The following CASR variants were observed in gnomAD, a reference collection of about 807,000 sequenced individuals.
The protein encoded by CASR is calcium sensing receptor.
In CASR, 23 loss-of-function variants were observed where a neutral mutation model predicts 69.1. The observed-to-expected ratio is 0.33, with a 90% CI of 0.24 to 0.47. The LOEUF (loss-of-function observed/expected upper bound fraction) is 0.47, where lower values mean the gene tolerates loss of function less well. Ranked by LOEUF, CASR falls within the 20% of genes least tolerant of loss-of-function variation. The probability of loss-of-function intolerance (pLI) is 1.00; values close to 1 mark genes in which losing one functional copy is unlikely to be tolerated. For missense variants in CASR, 924 were observed against 1,356.1 expected, an observed-to-expected ratio of 0.68 and a Z score of 5.00; for synonymous variants, 541 against 544.7, an observed-to-expected ratio of 0.99 and a Z score of 0.10.
At chr3:122,272,725 C>A (rs2074774497) in intron 4 of CASR, among the ~76,000 whole-genome samples, 1 of 152,152 alleles carries the variant, frequency 6.6e-6, no homozygotes, top group African/African-American at 2.4e-5. Flanking sequence ...GTTCTGCAGC[C>A]CAGTTCAGAA....
intron 3 of CASR, among the ~76,000 whole-genome samples, chr3:122,259,595 A>G (rs927896257): frequency 2.6e-5 from 4 of 151,966 alleles, no homozygotes; most frequent in African/African-American, 9.7e-5. Flanking sequence ...CTAATGTAGA[A>G]ACTATCCATC....
intron 1 of CASR, among the ~76,000 whole-genome samples, chr3:122,213,245 G>A (rs6776280): frequency 0.72 from 110,227 of 152,060 alleles, 40,194 homozygotes; most frequent in Admixed American, 0.82. Flanking sequence ...CATTTTTCTC[G>A]TGCTCTTTTG....
chr3:122,283,829 C>T lies in CASR; in HGVS notation c.1875C>T (p.Phe625=), dbSNP rs761716567. Residue 625 remains phenylalanine (F), a synonymous_variant, in exon 7 of 7, where the codon TTC becomes TTT. Transcript: ENST00000639785. The part of the protein sequence containing the change: ...ALTLFAVLGI[F]LTAFVLGVFI... The stretch of plus-strand genomic sequence containing the variant: ...CCCTCTTTGCCGTGCTGGGCATTTT[C>T]CTGACAGCCTTTGTGCTGGGTGTGT... 6.2e-7 allele frequency: 1 copy of T among 1,614,130 alleles called. No homozygotes were observed. Among genetic ancestry groups the T allele is most frequent in the South Asian group, 1.1e-5 (1 of 91,070 alleles).
At chr3:122,234,954 T>G (rs1437010378) in intron 1 of CASR, among the ~76,000 whole-genome samples, 1 of 152,132 alleles carries the variant, frequency 6.6e-6, no homozygotes, top group African/African-American at 2.4e-5. Flanking sequence ...ACACTGAGAG[T>G]GCACTGCATC....
chr3:122,198,196 A>G (rs2073908551), intron 1 of CASR, among the ~76,000 whole-genome samples: 1 of 152,242 alleles, frequency 6.6e-6, no homozygotes, highest in Non-Finnish European at 1.5e-5. Context: ...GCCAACTCAG[A>G]GAAAAGGATT....
chr3:122,213,608 A>G (rs79554897), intron 1 of CASR, among the ~76,000 whole-genome samples: 1 of 152,310 alleles, frequency 6.6e-6, no homozygotes, highest in East Asian at 1.9e-4. Flanking sequence ...TGAGTATGAT[A>G]CGTCTCTTGG....
intron 1 of CASR, among the ~76,000 whole-genome samples, chr3:122,221,377 C>T (rs1344458471): frequency 6.6e-6 from 1 of 152,158 alleles, no homozygotes; most frequent in Non-Finnish European, 1.5e-5. Context: ...CCCCTCTCTA[C>T]CCCAGCTCTA....
intron 4 of CASR, among the ~76,000 whole-genome samples, chr3:122,263,576 G>A (rs1002688655): frequency 6.6e-6 from 1 of 152,172 alleles, no homozygotes; most frequent in African/African-American, 2.4e-5. Flanking sequence ...CCTTTGGGAA[G>A]GATACCAAGA....
chr3:122,260,236 C>T (rs188261802), intron 3 of CASR, among the ~76,000 whole-genome samples: 2 of 152,266 alleles, frequency 1.3e-5, no homozygotes, highest in Non-Finnish European at 2.9e-5. Context: ...CTGTTTGCTC[C>T]ATGTGTTGCC....
intron 1 of CASR, among the ~76,000 whole-genome samples, chr3:122,224,391 A>G (rs1230981264): frequency 6.6e-6 from 1 of 152,224 alleles, no homozygotes; most frequent in Non-Finnish European, 1.5e-5. Flanking sequence ...ATTACTATAT[A>G]CCAATAACAT....
chr3:122,284,269 C>G lies in CASR; in HGVS notation c.2315C>G (p.Ala772Gly). The G allele has an allele frequency of 6.2e-7, 1 of 1,614,136 alleles. No individual in the cohort carries two copies. Among genetic ancestry groups the G allele is most frequent in the Non-Finnish European group, 8.5e-7 (1 of 1,180,044 alleles). ...FITCHEGSLM[A>G]LGFLIGYTCL... is the part of the protein sequence containing the mutation. Reference sequence around the variant, plus strand: ...ACGTGCCACGAGGGCTCCCTCATGGCCCTGGGCTTCCTGATCGGCTACACC... The same window carrying G: ...ACGTGCCACGAGGGCTCCCTCATGGGCCTGGGCTTCCTGATCGGCTACACC... Residue 772 changes from alanine (A) to glycine (G), a missense_variant, in exon 7 of 7, where the codon GCC becomes GGC. Ala to Gly is a moderately conservative substitution (Grantham distance 60). This residue lies in a region of CASR where 184 missense variants were observed against 278.8 expected (regional missense o/e 0.66). Coordinates refer to ENST00000639785, the MANE Select transcript of CASR (RefSeq NM_000388.4).
chr3:122,225,630 G>A (rs2074215516), intron 1 of CASR, among the ~76,000 whole-genome samples: 1 of 150,726 alleles, frequency 6.6e-6, no homozygotes, highest in African/African-American at 2.4e-5. Flanking sequence ...TGGTGAGAAT[G>A]TAAATTAATT....
At chr3:122,218,074 G>A (rs1173769785) in intron 1 of CASR, among the ~76,000 whole-genome samples, 1 of 151,946 alleles carries the variant, frequency 6.6e-6, no homozygotes, top group Non-Finnish European at 1.5e-5. Context: ...CAAACAAGAT[G>A]AACAGGTTTC....
chr3:122,252,418 A>G (rs1242408985), intron 1 of CASR, among the ~76,000 whole-genome samples: 1 of 56,680 alleles, frequency 1.8e-5, no homozygotes, highest in Non-Finnish European at 3.8e-5. Flanking sequence ...AAAAAGAAAG[A>G]AAGAAAGAAA....
intron 1 of CASR, among the ~76,000 whole-genome samples, chr3:122,244,865 T>C (rs2074411745): frequency 6.6e-6 from 1 of 152,198 alleles, no homozygotes; most frequent in South Asian, 2.1e-4. Flanking sequence ...TTTCAAAATA[T>C]ATTTCAAAGG....
chr3:122,259,411 A>G (rs2074594093), intron 3 of CASR, among the ~76,000 whole-genome samples: 5 of 152,174 alleles, frequency 3.3e-5, no homozygotes, highest in African/African-American at 7.2e-5. Flanking sequence ...ACTTAATTTA[A>G]CCACCTGCCT....
intron 1 of CASR, among the ~76,000 whole-genome samples, chr3:122,206,879 C>T (rs2074012403): frequency 6.6e-6 from 1 of 151,952 alleles, no homozygotes; most frequent in Non-Finnish European, 1.5e-5. Context: ...ATAGCAGTCT[C>T]TAATGATTCT....
chr3:122,188,327 A>G (rs1165759280), intron 1 of CASR, among the ~76,000 whole-genome samples: 2 of 152,210 alleles, frequency 1.3e-5, no homozygotes, highest in South Asian at 4.1e-4. Flanking sequence ...TACTCATTAG[A>G]TGTGGTCAGT....
At position 122,257,258 on chromosome 3, in the gene CASR, T is replaced by A. The variant is rs201923228; in HGVS notation, c.363T>A (p.Asp121Glu). ...TLSFVAQNKIDSLNLDEFCNC... is the reference protein window; with the variant it reads ...TLSFVAQNKIESLNLDEFCNC... ...GTTTTGTTGCTCAAAACAAAATTGATTCTTTGAACCTTGATGAGTTCTGCA... is the reference window on the plus strand; with the variant it reads ...GTTTTGTTGCTCAAAACAAAATTGAATCTTTGAACCTTGATGAGTTCTGCA... Residue 121 changes from aspartate (D) to glutamate (E), a missense_variant, in exon 3 of 7, where the codon GAT becomes GAA. Transcript: ENST00000639785. The A allele has an allele frequency of 2.5e-5, 40 of 1,614,098 alleles. No homozygotes were observed. Among genetic ancestry groups the A allele is most frequent in the Non-Finnish European group, 3.2e-5 (38 of 1,180,030 alleles).
Sources: gnomAD v4.1 joint callset for allele counts (sites outside exome capture counted in the v4.1 genomes callset) on GRCh38, gnomAD v4.1.1 for gene constraint, gnomAD v4.1.1 regional missense constraint, MANE v1.5 for transcripts, NCBI Gene and HGNC (gene_info 2026-07-23, HGNC 2026-07-21) for gene names.